CCSER1: variants seen among roughly 807,000 people sequenced by gnomAD.
CCSER1 encodes coiled-coil serine rich protein 1, also known as serine-rich coiled-coil domain-containing protein 1.
CCSER1 carries 41 observed loss-of-function variants against 82.0 expected under a neutral mutation model. That is an observed-to-expected ratio of 0.50 (90% confidence interval 0.39 to 0.65). CCSER1 has a LOEUF of 0.65. Ranked by LOEUF, CCSER1 falls within the 30% of genes least tolerant of loss-of-function variation. The probability of loss-of-function intolerance (pLI) is 0.00; values close to 1 mark genes in which losing one functional copy is unlikely to be tolerated. For missense variants in CCSER1, 1,119 were observed against 1,064.2 expected (o/e 1.05, Z -0.72); for synonymous variants, 414 against 383.9 (o/e 1.08, Z -0.92).
intron 10 of CCSER1, among the ~76,000 whole-genome samples, chr4:91,152,382 T>C (rs375382938): frequency 6.6e-6 from 1 of 152,248 alleles, no homozygotes; most frequent in East Asian, 1.9e-4. Context: ...GCACATGAGA[T>C]AGGTCTCCTG....
intron 4 of CCSER1, among the ~76,000 whole-genome samples, chr4:90,412,635 A>G (rs1755065948): frequency 6.6e-6 from 1 of 152,178 alleles, no homozygotes; most frequent in African/African-American, 2.4e-5. Context: ...ACACAAGCAA[A>G]ACAGAATTAA....
intron 1 of CCSER1, among the ~76,000 whole-genome samples, chr4:90,199,512 C>G (rs1160546510): frequency 6.6e-6 from 1 of 152,064 alleles, no homozygotes; most frequent in African/African-American, 2.4e-5. Flanking sequence ...TTTTCCAACT[C>G]TGTAATAAAA....
rs550148727 is a variant in CCSER1 at position 91,258,905 on chromosome 4, C to T, written c.2217+172911C>T. On this transcript the variant is annotated intron_variant, in intron 10 of 10. Transcript: ENST00000509176. ...TGAAGGTGGGGCCAGAAAAATAGTA[C>T]TTAATTACAGTACTATGTTTCTTCC... 5.1e-4 allele frequency among the ~76,000 whole-genome samples: 78 copies of T among 152,130 alleles called. No homozygotes were observed. The South Asian group carries it at 0.013, about 26-fold the overall frequency.
chr4:90,379,489 A>G (rs1279568906), intron 3 of CCSER1, among the ~76,000 whole-genome samples: 1 of 152,154 alleles, frequency 6.6e-6, no homozygotes, highest in Non-Finnish European at 1.5e-5. Flanking sequence ...CTTGTCAAGG[A>G]GCTTGGGGAT....
chr4:91,086,081 T>G lies in CCSER1; in HGVS notation c.2217+87T>G. 3.8e-6 allele frequency: 3 copies of G among 797,618 alleles called. No individual in the cohort carries two copies. The South Asian group carries it at 4.8e-5, about 13-fold the overall frequency. 49.4% of individuals were successfully genotyped at this position (797,618 alleles called of 1,614,324 possible). On this transcript the variant is annotated intron_variant, in intron 10 of 10. Transcript: ENST00000509176. ...ATGTGGTGATGGTGATTGACGATAATTACGTTGATAATGGAAATGGAGATG... is the reference window on the plus strand; with the variant it reads ...ATGTGGTGATGGTGATTGACGATAAGTACGTTGATAATGGAAATGGAGATG...
At chr4:90,624,364 T>C (rs1044445242) in intron 5 of CCSER1, among the ~76,000 whole-genome samples, 2 of 152,098 alleles carry the variant, frequency 1.3e-5, no homozygotes, top group Non-Finnish European at 2.9e-5. Flanking sequence ...GAGGAAATTC[T>C]AACTACCCAA....
intron 10 of CCSER1, among the ~76,000 whole-genome samples, chr4:91,326,062 A>AATATGTAC (rs1746540807): frequency 6.6e-6 from 1 of 152,164 alleles, no homozygotes; most frequent in Non-Finnish European, 1.5e-5. Flanking sequence ...ATATGTCATA[A>AATATGTAC]ATATGTACAT....
At chr4:90,233,957 TTCTTAA>T (rs1470665927) in intron 1 of CCSER1, among the ~76,000 whole-genome samples, 3 of 152,208 alleles carry the variant, frequency 2.0e-5, no homozygotes, top group Non-Finnish European at 4.4e-5. Context: ...TGAAATTTAC[TTCTTAA>T]TCTTGAGATG....
In CCSER1 at chr4:90,309,226, TC is replaced by T. The variant is rs1488462024; in HGVS notation, c.945del (p.Cys316ValfsTer11). On this transcript the variant is annotated frameshift_variant, in exon 2 of 11. Transcript: ENST00000509176. LOFTEE classifies it high-confidence loss of function. ...KTTTELTGTV[P>X]CAIMSPGKYR... ...CAACAACAGAACTTACGGGAACTGT[TC>T]CCTGTGCAATTATGTCTCCTGGGAA... 2 of 1,613,924 alleles carry T rather than the reference TC, an allele frequency of 1.2e-6. No individual in the cohort carries two copies. The highest frequency in any genetic ancestry group is 3.3e-5 in the Admixed American group (2 of 60,004).
intron 6 of CCSER1, among the ~76,000 whole-genome samples, chr4:90,647,072 G>A (rs1387522945): frequency 6.6e-6 from 1 of 152,022 alleles, no homozygotes; most frequent in Non-Finnish European, 1.5e-5. Context: ...CACCCAAATT[G>A]AATTTCTGTC....
intron 10 of CCSER1, among the ~76,000 whole-genome samples, chr4:91,144,611 C>G (rs1477132088): frequency 1.3e-5 from 2 of 149,738 alleles, no homozygotes; most frequent in East Asian, 3.9e-4. Context: ...ATAACCTGTC[C>G]TCTTAAAGCT....
At position 91,377,105 on chromosome 4, in the gene CCSER1, T is replaced by C. The variant is rs1044228228; in HGVS notation, c.2218-221467T>C. Among the ~76,000 whole-genome samples the C allele has an allele frequency of 2.0e-5, 3 of 152,198 alleles. No individual in the cohort carries two copies. The East Asian group carries it at 5.8e-4, about 29-fold the overall frequency. Reference sequence around the variant, plus strand: ...CATCATTTTTTATGGCTGCATAGTATTCCATGGTATATATGTGTCACATTT... The same window carrying C: ...CATCATTTTTTATGGCTGCATAGTACTCCATGGTATATATGTGTCACATTT... On this transcript the variant is annotated intron_variant, in intron 10 of 10. Coordinates refer to ENST00000509176, the MANE Select transcript of CCSER1 (RefSeq NM_001145065.2).
chr4:90,562,231 G>A (rs1778855694), intron 5 of CCSER1, among the ~76,000 whole-genome samples: 1 of 150,638 alleles, frequency 6.6e-6, no homozygotes, highest in Admixed American at 6.6e-5. Context: ...AAGTCACACT[G>A]TGTTTCACAT....
intron 7 of CCSER1, among the ~76,000 whole-genome samples, chr4:90,777,618 C>A (rs142235671): frequency 2.6e-4 from 40 of 152,126 alleles, no homozygotes; most frequent in African/African-American, 9.2e-4. Context: ...TTAACTTTCT[C>A]AGTTTCAGTT....
At chr4:90,539,880 G>C (rs1258648523) in intron 5 of CCSER1, among the ~76,000 whole-genome samples, 1 of 151,888 alleles carries the variant, frequency 6.6e-6, no homozygotes, top group East Asian at 1.9e-4. Flanking sequence ...TCAGTGTGTG[G>C]TTTATATAAG....
chr4:90,381,568 G>A lies in CCSER1; in HGVS notation c.1510-18468G>A, dbSNP rs527959308. 3.3e-5 allele frequency among the ~76,000 whole-genome samples: 5 copies of A among 152,186 alleles called. No individual in the cohort carries two copies. The South Asian group carries it at 1.0e-3, about 32-fold the overall frequency. On this transcript the variant is annotated intron_variant, in intron 3 of 10. Transcript: ENST00000509176. ...TATTTTCATTCCATAGAATACCATG[G>A]TGTACACAGTATTAATCATGGTCAC... is the stretch of plus-strand genomic sequence containing the variant.
intron 1 of CCSER1, among the ~76,000 whole-genome samples, chr4:90,238,839 A>T (rs1746297457): frequency 2.6e-5 from 4 of 151,502 alleles, no homozygotes; most frequent in Admixed American, 1.3e-4. Flanking sequence ...AGCTTGGTGG[A>T]TTTCTTCTAG....
intron 10 of CCSER1, among the ~76,000 whole-genome samples, chr4:91,174,128 C>T (rs1403050699): frequency 6.6e-6 from 1 of 152,098 alleles, no homozygotes; most frequent in Non-Finnish European, 1.5e-5. Context: ...ATTGAGAATT[C>T]TGAACAACAT....
intron 10 of CCSER1, among the ~76,000 whole-genome samples, chr4:91,307,238 T>A (rs1341847870): frequency 6.6e-6 from 1 of 151,886 alleles, no homozygotes; most frequent in Non-Finnish European, 1.5e-5. Context: ...GTAGTAATTT[T>A]TCATGAAGAA....
Sources: gnomAD v4.1 joint callset for allele counts (sites outside exome capture counted in the v4.1 genomes callset) on GRCh38, gnomAD v4.1.1 for gene constraint, MANE v1.5 for transcripts, NCBI Gene and HGNC (gene_info 2026-07-23, HGNC 2026-07-21) for gene names.